DOCK3: variants seen among roughly 807,000 people sequenced by gnomAD.
DOCK3 encodes the protein dedicator of cytokinesis 3, also known as dedicator of cytokinesis protein 3.
DOCK3 carries 60 observed loss-of-function variants against 265.6 expected under a neutral mutation model. That is an observed-to-expected ratio of 0.23 (90% confidence interval 0.18 to 0.28). The LOEUF (loss-of-function observed/expected upper bound fraction) is 0.28. Ranked by LOEUF, DOCK3 falls within the 10% of genes least tolerant of loss-of-function variation. The probability of loss-of-function intolerance (pLI) is 1.00; values close to 1 mark genes in which losing one functional copy is unlikely to be tolerated. For missense variants in DOCK3, 1,981 were observed against 2,594.3 expected, an observed-to-expected ratio of 0.76 and a Z score of 5.14; for synonymous variants, 881 against 938.0, an observed-to-expected ratio of 0.94 and a Z score of 1.11.
chr3:50,712,684 C>CA (rs2036850406), intron 1 of DOCK3, among the ~76,000 whole-genome samples: 1 of 152,196 alleles, frequency 6.6e-6, no homozygotes, highest in Non-Finnish European at 1.5e-5. Context: ...TTATTCATCT[C>CA]AAAGTCTTTT....
intron 4 of DOCK3, among the ~76,000 whole-genome samples, chr3:50,933,641 AT>A (rs2051190546): frequency 6.6e-6 from 1 of 152,128 alleles, no homozygotes; most frequent in Non-Finnish European, 1.5e-5. Context: ...GTCATAAATA[AT>A]TTAAAAAAAC....
intron 27 of DOCK3, among the ~76,000 whole-genome samples, chr3:51,285,943 A>G (rs928024672): frequency 1.3e-5 from 2 of 152,118 alleles, no homozygotes; most frequent in Non-Finnish European, 2.9e-5. Context: ...TCAAATGAAA[A>G]AAGAGTTTAG....
chr3:51,064,642 A>C, intron 6 of DOCK3, 46 bp downstream of exon 6: 1 of 1,602,696 alleles, frequency 6.2e-7, no homozygotes, highest in Non-Finnish European at 8.5e-7. Flanking sequence ...CATTTATGAT[A>C]ACTCAGTCTT....
chr3:51,138,188 T>G (rs553604284), intron 9 of DOCK3, among the ~76,000 whole-genome samples: 11 of 152,216 alleles, frequency 7.2e-5, no homozygotes, highest in Non-Finnish European at 1.3e-4. Flanking sequence ...AACAATATTT[T>G]GCCACTTTTT....
At chr3:51,029,378 A>G (rs1162088462) in intron 5 of DOCK3, among the ~76,000 whole-genome samples, 2 of 152,196 alleles carry the variant, frequency 1.3e-5, no homozygotes, top group East Asian at 1.9e-4. Context: ...AAAGCATGAA[A>G]AGCTCTCTCT....
At chr3:51,132,672 A>G (rs2084609002) in intron 9 of DOCK3, among the ~76,000 whole-genome samples, 1 of 152,212 alleles carries the variant, frequency 6.6e-6, no homozygotes, top group Non-Finnish European at 1.5e-5. Context: ...GGAAAAACAG[A>G]CACAAGTTCT....
At chr3:50,860,498 A>G (rs1053790955) in intron 3 of DOCK3, among the ~76,000 whole-genome samples, 1 of 152,200 alleles carries the variant, frequency 6.6e-6, no homozygotes, top group African/African-American at 2.4e-5. Flanking sequence ...TGCTTGGGGT[A>G]TACTCAACTG....
chr3:51,075,549 C>A, intron 7 of DOCK3, 109 bp downstream of exon 7: 1 of 855,228 alleles, frequency 1.2e-6, no homozygotes, highest in South Asian at 1.8e-5. Flanking sequence ...GTTTTGGCCT[C>A]TTTCCCAGTG....
intron 5 of DOCK3, among the ~76,000 whole-genome samples, chr3:50,991,300 G>A (rs2078094355): frequency 6.6e-6 from 1 of 152,166 alleles, no homozygotes; most frequent in Non-Finnish European, 1.5e-5. Flanking sequence ...AGGCAGAGTG[G>A]CAAGCTGGAT....
At chr3:51,376,599 C>T (rs1349918631) in intron 51 of DOCK3, among the ~76,000 whole-genome samples, 1 of 152,208 alleles carries the variant, frequency 6.6e-6, no homozygotes, top group African/African-American at 2.4e-5. Context: ...CTCATATCCG[C>T]CCCTCTCCTC....
intron 24 of DOCK3, among the ~76,000 whole-genome samples, chr3:51,274,172 A>G (rs2080676478): frequency 6.6e-6 from 1 of 152,214 alleles, no homozygotes; most frequent in Non-Finnish European, 1.5e-5. Flanking sequence ...TTGGTGATAA[A>G]TGTTGGCTAA....
intron 27 of DOCK3, among the ~76,000 whole-genome samples, chr3:51,295,275 G>C (rs2082017468): frequency 6.6e-6 from 1 of 152,278 alleles, no homozygotes; most frequent in African/African-American, 2.4e-5. Context: ...GTGAAGGAGA[G>C]CCAGTGTGTG....
intron 23 of DOCK3, among the ~76,000 whole-genome samples, chr3:51,266,871 A>G (rs146246787): frequency 2.6e-5 from 4 of 152,384 alleles, no homozygotes; most frequent in East Asian, 3.9e-4. Flanking sequence ...AAAAGAAGCT[A>G]TCATCAGAGT....
intron 1 of DOCK3, among the ~76,000 whole-genome samples, chr3:50,700,327 A>G (rs1239131805): frequency 6.6e-6 from 1 of 152,222 alleles, no homozygotes. Context: ...GAAATATACA[A>G]TAAGTTGTAT....
At chr3:51,264,788 C>T (rs894667090) in intron 23 of DOCK3, among the ~76,000 whole-genome samples, 1 of 151,112 alleles carries the variant, frequency 6.6e-6, no homozygotes, top group South Asian at 2.1e-4. Context: ...GATCGCGCCA[C>T]CACACTCCAG....
intron 10 of DOCK3, among the ~76,000 whole-genome samples, chr3:51,154,879 G>T (rs2085770133): frequency 1.3e-5 from 2 of 152,184 alleles, no homozygotes; most frequent in African/African-American, 4.8e-5. Flanking sequence ...CATGCATGAT[G>T]TGCTCTTGTT....
intron 4 of DOCK3, among the ~76,000 whole-genome samples, chr3:50,916,419 G>A (rs935243573): frequency 6.6e-6 from 1 of 152,008 alleles, no homozygotes; most frequent in Admixed American, 6.6e-5. Flanking sequence ...AGATGGGCCC[G>A]ATGCTTCCTT....
rs1343325693 is a variant in DOCK3 at position 51,227,455 on chromosome 3, A to C, written c.1540+10A>C. 1 of 1,613,582 alleles carries C rather than the reference A, an allele frequency of 6.2e-7. No individual in the cohort carries two copies. The highest frequency in any genetic ancestry group is 8.5e-7 in the Non-Finnish European group (1 of 1,179,646). ...TTCAGACATTGTTCCAGTGAGTTAG[A>C]CTTCCCCCCCTCCACATTCCCTTGA... On this transcript the variant is annotated intron_variant, in intron 16 of 52. Transcript: ENST00000266037.
At chr3:50,972,843 G>A (rs1042529497) in intron 5 of DOCK3, among the ~76,000 whole-genome samples, 1 of 150,006 alleles carries the variant, frequency 6.7e-6, no homozygotes, top group Non-Finnish European at 1.5e-5. Flanking sequence ...ATCAGGTAAT[G>A]TGATGCCTAT....
Sources: gnomAD v4.1 joint callset for allele counts (sites outside exome capture counted in the v4.1 genomes callset) on GRCh38, gnomAD v4.1.1 for gene constraint, MANE v1.5 for transcripts, NCBI Gene and HGNC (gene_info 2026-07-23, HGNC 2026-07-21) for gene names.